Variants in TTLL11 observed in about 807,000 individuals in gnomAD.
TTLL11 encodes tubulin tyrosine ligase like 11.
Under a neutral mutation model 51.7 loss-of-function variants are expected in TTLL11, and 42 were observed. That is an observed-to-expected ratio of 0.81 (90% CI 0.64 to 1.05). The LOEUF (loss-of-function observed/expected upper bound fraction) is 1.05, where lower values mean the gene tolerates loss of function less well. Among genes scored for constraint, TTLL11 ranks in the 50% least tolerant of loss-of-function variants. The pLI is 0.00. For missense variants in TTLL11, 799 were observed against 940.4 expected (o/e 0.85, Z 1.97); for synonymous variants, 381 against 383.5 (o/e 0.99, Z 0.08).
At chr9:122,026,290 T>C (rs184670188) in intron 3 of TTLL11, among the ~76,000 whole-genome samples, 1 of 151,782 alleles carries the variant, frequency 6.6e-6, no homozygotes, top group East Asian at 1.9e-4. Flanking sequence ...ATACAAAAAT[T>C]AGCTGGACAT....
rs184384956 is a variant in TTLL11 at position 121,984,835 on chromosome 9, C to A, written c.1269+4360G>T. Among the ~76,000 whole-genome samples, 31 of 152,206 alleles carry A rather than the reference C, an allele frequency of 2.0e-4. No individual in the cohort carries two copies. The East Asian group carries it at 4.6e-3, about 23-fold the overall frequency. Reference sequence around the variant, plus strand: ...AGCTGAGCTGGAAGCCTTTCCTCTGCATGTGTTATTTCTGCCATATGATTC... The same window carrying A: ...AGCTGAGCTGGAAGCCTTTCCTCTGAATGTGTTATTTCTGCCATATGATTC... On this transcript the variant is annotated intron_variant, in intron 4 of 8. Coordinates refer to ENST00000321582, the MANE Select transcript of TTLL11 (RefSeq NM_001139442.2).
At chr9:121,855,770 A>T (rs1837797782) in intron 8 of TTLL11, among the ~76,000 whole-genome samples, 1 of 152,224 alleles carries the variant, frequency 6.6e-6, no homozygotes, top group Non-Finnish European at 1.5e-5. Flanking sequence ...CTCATCAAAC[A>T]TTAACTGGGC....
intron 8 of TTLL11, among the ~76,000 whole-genome samples, chr9:121,844,844 GA>G (rs1184484136): frequency 1.3e-5 from 2 of 150,964 alleles, no homozygotes; most frequent in African/African-American, 2.4e-5. Context: ...AAAAAATACT[GA>G]AAAAAAGGAG....
At chr9:121,998,107 T>C (rs993276307) in intron 3 of TTLL11, among the ~76,000 whole-genome samples, 4 of 152,324 alleles carry the variant, frequency 2.6e-5, no homozygotes, top group Admixed American at 2.0e-4. Flanking sequence ...TTCCTGCTAA[T>C]GAACTGGCTA....
chr9:121,843,940 C>T (rs1311897919), intron 8 of TTLL11, among the ~76,000 whole-genome samples: 1 of 152,208 alleles, frequency 6.6e-6, no homozygotes, highest in African/African-American at 2.4e-5. Context: ...TTCCAAAGTG[C>T]TGGGATTACT....
chr9:121,917,044 A>C (rs1282151953), intron 6 of TTLL11, among the ~76,000 whole-genome samples: 1 of 152,192 alleles, frequency 6.6e-6, no homozygotes, highest in East Asian at 1.9e-4. Flanking sequence ...AGGCCCTGCC[A>C]GGGGTATATT....
At position 122,074,011 on chromosome 9, in the gene TTLL11, A is replaced by G. The variant is rs112337919; in HGVS notation, c.462+18676T>C. On this transcript the variant is annotated intron_variant, in intron 1 of 8. Coordinates refer to ENST00000321582, the MANE Select transcript of TTLL11 (RefSeq NM_001139442.2). The stretch of plus-strand genomic sequence containing the variant: ...ATGCTGGCCGGGCGCAGTGGCTTAC[A>G]CCTGTAATCCCAGCACTTTGGGAGG... Among the ~76,000 whole-genome samples the G allele has an allele frequency of 3.7e-4, 57 of 152,274 alleles. 2 individuals are homozygous for G. Among genetic ancestry groups the G allele is most frequent in the Middle Eastern group, 3.4e-3 (1 of 294 alleles).
chr9:122,080,213 T>C (rs913978904), intron 1 of TTLL11, among the ~76,000 whole-genome samples: 1 of 152,200 alleles, frequency 6.6e-6, no homozygotes, highest in Non-Finnish European at 1.5e-5. Flanking sequence ...TTTCACTCTC[T>C]TCTCCAGTAT....
intron 6 of TTLL11, among the ~76,000 whole-genome samples, chr9:121,937,767 AC>A (rs530880277): frequency 7.9e-5 from 12 of 152,052 alleles, no homozygotes; most frequent in Non-Finnish European, 1.6e-4. Context: ...AAAAGAAAGA[AC>A]ATCAAACCCT....
intron 8 of TTLL11, among the ~76,000 whole-genome samples, chr9:121,833,399 T>C (rs1837085480): frequency 6.6e-6 from 1 of 152,196 alleles, no homozygotes; most frequent in Non-Finnish European, 1.5e-5. Context: ...GAAGGCATCG[T>C]TGCACTCAGG....
At chr9:122,078,086 C>T (rs571615254) in intron 1 of TTLL11, among the ~76,000 whole-genome samples, 1 of 152,086 alleles carries the variant, frequency 6.6e-6, no homozygotes, top group South Asian at 2.1e-4. Context: ...GTAGCTAAAG[C>T]AGTAGTTAGA....
At chr9:121,972,399 A>G (rs577175239) in intron 6 of TTLL11, among the ~76,000 whole-genome samples, 1 of 152,344 alleles carries the variant, frequency 6.6e-6, no homozygotes, top group African/African-American at 2.4e-5. Context: ...ACACATACGT[A>G]CTGGTGAACA....
At position 121,985,811 on chromosome 9, in the gene TTLL11, C is replaced by T. The variant is rs906212395; in HGVS notation, c.1269+3384G>A. On this transcript the variant is annotated intron_variant, in intron 4 of 8. Coordinates refer to ENST00000321582, the MANE Select transcript of TTLL11 (RefSeq NM_001139442.2). ...CTGGGATTACAGGCGTGAGCCACCGCGCCCGGCCCAAGGATACCATTTTCT... is the reference window on the plus strand; with the variant it reads ...CTGGGATTACAGGCGTGAGCCACCGTGCCCGGCCCAAGGATACCATTTTCT... Among the ~76,000 whole-genome samples the T allele has an allele frequency of 6.2e-4, 94 of 152,252 alleles. 1 individual carries two copies. Among genetic ancestry groups the T allele is most frequent in the Non-Finnish European group, 2.5e-4 (17 of 68,014 alleles).
At position 122,092,789 on chromosome 9, in the gene TTLL11, G is replaced by A. The variant is rs1846298626; in HGVS notation, c.360C>T (p.Ser120=). ...RSCKRSSGHG[S]GENGSQRPVT... The stretch of plus-strand genomic sequence containing the variant: ...CCGGCCGCTGGGAGCCGTTCTCGCC[G>A]GAACCGTGGCCCGAGCTCCGCTTGC... Residue 120 remains serine (S), a synonymous_variant, in exon 1 of 9, where the codon TCC becomes TCT. Coordinates refer to ENST00000321582, the MANE Select transcript of TTLL11 (RefSeq NM_001139442.2). 2 of 1,541,810 alleles carry A rather than the reference G, an allele frequency of 1.3e-6. No homozygotes were observed. The highest frequency in any genetic ancestry group is 1.4e-5 in the African/African-American group (1 of 73,398).
At chr9:122,041,750 T>G (rs1053810574) in intron 1 of TTLL11, among the ~76,000 whole-genome samples, 1 of 152,008 alleles carries the variant, frequency 6.6e-6, no homozygotes, top group Non-Finnish European at 1.5e-5. Context: ...ATAAAATATT[T>G]GTAAAAGAAA....
chr9:121,956,398 T>C (rs1048637344), intron 6 of TTLL11, among the ~76,000 whole-genome samples: 5 of 152,274 alleles, frequency 3.3e-5, no homozygotes, highest in Admixed American at 3.3e-4. Context: ...GAAACATTCC[T>C]AAAAATGTGA....
chr9:121,927,628 ATTTTTT>A (rs59367881), intron 6 of TTLL11, among the ~76,000 whole-genome samples: 6 of 144,130 alleles, frequency 4.2e-5, no homozygotes, highest in Non-Finnish European at 4.6e-5. Flanking sequence ...AGAAGGTGGC[ATTTTTT>A]TTTTTTTTTT....
At chr9:121,893,202 A>G (rs1839323144) in intron 6 of TTLL11, among the ~76,000 whole-genome samples, 1 of 152,212 alleles carries the variant, frequency 6.6e-6, no homozygotes, top group Admixed American at 6.5e-5. Context: ...CATGTAAAAA[A>G]AATAGTTAAA....
intron 6 of TTLL11, among the ~76,000 whole-genome samples, chr9:121,880,059 T>C (rs1838725766): frequency 1.3e-5 from 2 of 152,166 alleles, no homozygotes; most frequent in Admixed American, 1.3e-4. Flanking sequence ...AAATTCTGAA[T>C]GAAAAGCTCA....
Sources: gnomAD v4.1 joint callset for allele counts (sites outside exome capture counted in the v4.1 genomes callset) on GRCh38, gnomAD v4.1.1 for gene constraint, MANE v1.5 for transcripts, NCBI Gene and HGNC (gene_info 2026-07-23, HGNC 2026-07-21) for gene names.